The following VSTM4 variants were observed in gnomAD, a reference collection of about 807,000 sequenced individuals.
The protein encoded by VSTM4 is V-set and transmembrane domain containing 4.
VSTM4 carries 20 observed loss-of-function variants against 36.4 expected under a neutral mutation model. The ratio of observed to expected loss-of-function variants is 0.55; its 90% CI spans 0.39 to 0.80. The LOEUF (loss-of-function observed/expected upper bound fraction) is 0.80. Among genes scored for constraint, VSTM4 ranks in the 30% least tolerant of loss-of-function variants. The pLI is 0.00. For synonymous variants in VSTM4, 182 were observed against 173.9 expected, an observed-to-expected ratio of 1.05 and a Z score of -0.37; for missense variants, 392 against 404.5, an observed-to-expected ratio of 0.97 and a Z score of 0.26.
At chr10:49,074,613 T>C (rs1844140943) in intron 4 of VSTM4, among the ~76,000 whole-genome samples, 2 of 152,000 alleles carry the variant, frequency 1.3e-5, no homozygotes, top group Non-Finnish European at 2.9e-5. Context: ...CCACAGTGAG[T>C]TGAAAGATGC....
intron 3 of VSTM4, among the ~76,000 whole-genome samples, chr10:49,085,164 G>A (rs1844348043): frequency 6.6e-6 from 1 of 152,250 alleles, no homozygotes; most frequent in South Asian, 2.1e-4. Flanking sequence ...CTAGGGCAGG[G>A]CACAGCCATG....
In VSTM4 at chr10:49,017,790, C is replaced by T. The variant is rs531608892; in HGVS notation, c.*1860G>A. The T allele has an allele frequency of 1.3e-5, 2 of 152,136 alleles. No individual in the cohort carries two copies. The highest frequency in any genetic ancestry group is 4.8e-5 in the African/African-American group (2 of 41,408). The allele number at this position is 152,136 out of a possible 1,614,324, so 9.4% of individuals were successfully genotyped here. Reference sequence around the variant, plus strand: ...GGGCAAATTAGGAGATCATCCTCTGCCCTCAAAACACTATACATCTGTCAG... The same window carrying T: ...GGGCAAATTAGGAGATCATCCTCTGTCCTCAAAACACTATACATCTGTCAG... On this transcript the variant is annotated 3_prime_UTR_variant, in exon 8 of 8. Coordinates refer to ENST00000332853, the MANE Select transcript of VSTM4 (RefSeq NM_001031746.5).
intron 6 of VSTM4, 116 bp from the exon 7 acceptor site, chr10:49,047,160 G>A (rs561318039): frequency 1.6e-5 from 17 of 1,060,726 alleles, no homozygotes; most frequent in African/African-American, 7.9e-5. Flanking sequence ...CTGGTCCCAT[G>A]GAAGAACTTT....
Position 49,065,887 on chromosome 10 carries a change from T to C in VSTM4, c.635-1151A>G, listed in dbSNP as rs571435287. Among the ~76,000 whole-genome samples, 3 of 152,224 alleles carry C rather than the reference T, an allele frequency of 2.0e-5. No individual in the cohort carries two copies. The South Asian group carries it at 6.2e-4, about 32-fold the overall frequency. On this transcript the variant is annotated intron_variant, in intron 4 of 7. Transcript: ENST00000332853. Reference sequence around the variant, plus strand: ...TACAGGTTTATCTCGTTCAGCCTCCTATTAATACCTAAACTCTTTCTGTAT... The same window carrying C: ...TACAGGTTTATCTCGTTCAGCCTCCCATTAATACCTAAACTCTTTCTGTAT...
In VSTM4 at chr10:49,085,969, C is replaced by A; in HGVS notation, c.512G>T (p.Trp171Leu). The A allele has an allele frequency of 6.3e-7, 1 of 1,588,492 alleles. No homozygotes were observed. Among genetic ancestry groups the A allele is most frequent in the Non-Finnish European group, 8.6e-7 (1 of 1,169,426 alleles). ...ESSFEKTKET[W>L]AFFEDLYVYA... ...ACAAGCTTTACCTTCAAAAAATGCC[C>A]AAGTCTCTTTTGTTTTCTCAAAGGA... is the stretch of plus-strand genomic sequence containing the variant. Residue 171 changes from tryptophan (W) to leucine (L), a missense_variant, in exon 3 of 8, where the codon TGG (tryptophan) becomes TTG (leucine). Trp to Leu is a moderately conservative substitution (Grantham distance 61). Coordinates refer to ENST00000332853, the MANE Select transcript of VSTM4 (RefSeq NM_001031746.5).
chr10:49,086,139 C>T (rs545553236), intron 2 of VSTM4, 116 bp from the exon 3 acceptor site: 1 of 621,624 alleles, frequency 1.6e-6, no homozygotes, highest in Admixed American at 3.5e-5. Context: ...GTTGTCAAAA[C>T]TCACATGTTA....
intron 7 of VSTM4, among the ~76,000 whole-genome samples, chr10:49,033,965 C>T (rs1590072936): frequency 9.5e-6 from 1 of 104,984 alleles, no homozygotes; most frequent in South Asian, 5.0e-4. Context: ...ACCATTATCA[C>T]CACCATAATC....
intron 7 of VSTM4, among the ~76,000 whole-genome samples, chr10:49,030,571 G>C (rs956119849): frequency 1.3e-5 from 2 of 152,232 alleles, no homozygotes; most frequent in Non-Finnish European, 2.9e-5. Context: ...GAGCTCAGGA[G>C]AGAAGTCTTG....
chr10:49,057,833 A>G (rs1291024830), intron 5 of VSTM4, among the ~76,000 whole-genome samples: 1 of 152,206 alleles, frequency 6.6e-6, no homozygotes, highest in African/African-American at 2.4e-5. Context: ...AAATCCAAGC[A>G]AACAACAGTG....
At chr10:49,047,826 C>G (rs369117938) in intron 6 of VSTM4, among the ~76,000 whole-genome samples, 1 of 152,338 alleles carries the variant, frequency 6.6e-6, no homozygotes, top group Non-Finnish European at 1.5e-5. Context: ...TAGAATTGTT[C>G]ATTTGGGCAA....
chr10:49,087,607 C>T (rs550252844), intron 2 of VSTM4, among the ~76,000 whole-genome samples: 36 of 152,190 alleles, frequency 2.4e-4, no homozygotes, highest in African/African-American at 6.5e-4. Context: ...AGGGTTCATT[C>T]GGTCCTTCAG....
intron 2 of VSTM4, chr10:49,102,930 T>C: frequency 5.0e-6 from 1 of 201,884 alleles, no homozygotes; most frequent in Non-Finnish European, 8.8e-6. Context: ...ACCTGCTATC[T>C]GGGCATCGTT....
intron 1 of VSTM4, among the ~76,000 whole-genome samples, chr10:49,114,074 G>A (rs1844945774): frequency 6.6e-6 from 1 of 152,162 alleles, no homozygotes. Flanking sequence ...CTGGCTGCTG[G>A]CTACTCCACA....
rs1416960157 is a variant in VSTM4 at position 49,015,089 on chromosome 10, CT to C, written c.*4560del. Reference sequence around the variant, plus strand: ...TGTTAGAAACTCAGAATCCCAGGTCCTATCCCAGACCTCCTGAGCCAGGATC... The same window carrying C: ...TGTTAGAAACTCAGAATCCCAGGTCCATCCCAGACCTCCTGAGCCAGGATC... On this transcript the variant is annotated 3_prime_UTR_variant, in exon 8 of 8. Coordinates refer to ENST00000332853, the MANE Select transcript of VSTM4 (RefSeq NM_001031746.5). 5 of 151,510 alleles carry C rather than the reference CT, an allele frequency of 3.3e-5. No homozygotes were observed. Among genetic ancestry groups the C allele is most frequent in the African/African-American group, 1.2e-4 (5 of 41,164 alleles). The allele number at this position is 151,510 out of a possible 1,614,324, so 9.4% of individuals were successfully genotyped here. A position where few individuals can be genotyped will look rare whatever the true frequency, so the allele number is the denominator to read the frequency against.
chr10:49,092,993 T>C (rs1358807129), intron 2 of VSTM4, among the ~76,000 whole-genome samples: 1 of 152,056 alleles, frequency 6.6e-6, no homozygotes, highest in East Asian at 1.9e-4. Context: ...GAAAACCGTC[T>C]CCCTTCTACC....
chr10:49,035,853 A>C (rs1056319759), intron 7 of VSTM4, among the ~76,000 whole-genome samples: 2 of 152,006 alleles, frequency 1.3e-5, no homozygotes, highest in Non-Finnish European at 2.9e-5. Flanking sequence ...ATAATAAATA[A>C]ATAAAGACTC....
rs537437324 is a variant in VSTM4 at position 49,095,495 on chromosome 10, G to A, written c.458-9472C>T. On this transcript the variant is annotated intron_variant, in intron 2 of 7. Coordinates refer to ENST00000332853, the MANE Select transcript of VSTM4 (RefSeq NM_001031746.5). ...ATTCCTCTTGTTGCTGCCCACCCCT[G>A]TCCCCCAACAATTGCAAACATGCAT... Among the ~76,000 whole-genome samples the A allele has an allele frequency of 8.5e-5, 13 of 152,204 alleles. No homozygotes were observed. In the South Asian group the frequency reaches 2.5e-3, roughly 29 times the overall value.
intron 2 of VSTM4, among the ~76,000 whole-genome samples, chr10:49,104,790 G>C (rs768501407): frequency 9.7e-5 from 14 of 144,658 alleles, no homozygotes; most frequent in African/African-American, 3.1e-4. Flanking sequence ...CAGAGAGAGA[G>C]ACACACAGAG....
chr10:49,044,514 AAAAG>A (rs964171158), intron 7 of VSTM4, among the ~76,000 whole-genome samples: 49 of 144,844 alleles, frequency 3.4e-4, no homozygotes, highest in African/African-American at 9.8e-4. Flanking sequence ...AGGAAGGAGA[AAAAG>A]AAAGAAAGAA....
Sources: gnomAD v4.1 joint callset for allele counts (sites outside exome capture counted in the v4.1 genomes callset) on GRCh38, gnomAD v4.1.1 for gene constraint, MANE v1.5 for transcripts, NCBI Gene and HGNC (gene_info 2026-07-23, HGNC 2026-07-21) for gene names.